Variants in SHKBP1 observed in about 807,000 individuals in gnomAD.
The protein encoded by SHKBP1 is SH3KBP1 binding protein 1.
Under a neutral mutation model 83.9 loss-of-function variants are expected in SHKBP1, and 71 were observed. The observed-to-expected ratio is 0.85, with a 90% CI of 0.70 to 1.03. The LOEUF (loss-of-function observed/expected upper bound fraction) is 1.03. SHKBP1 is among the 50% of genes least tolerant of loss of function. The pLI is 0.00. For synonymous variants in SHKBP1, 371 were observed against 398.0 expected (o/e 0.93, Z 0.81); for missense variants, 824 against 982.4 (o/e 0.84, Z 2.16).
chr19:40,580,904 C>T lies in SHKBP1; in HGVS notation c.812C>T (p.Ala271Val). 2 of 1,596,288 alleles carry T rather than the reference C, an allele frequency of 1.3e-6. No individual in the cohort carries two copies. Among genetic ancestry groups the T allele is most frequent in the Non-Finnish European group, 1.7e-6 (2 of 1,170,356 alleles). ...AATGSEILLW[A>V]LQAEGGGSEI... The stretch of plus-strand genomic sequence containing the variant: ...ACCGGCAGCGAGATCCTGCTATGGG[C>T]TCTGCAGGCGGAAGGCGGTGGCTCC... Residue 271 changes from alanine (A) to valine (V), a missense_variant, in exon 9 of 18, where the codon GCT (alanine) becomes GTT (valine). By Grantham distance (64) the Ala-to-Val change is moderately conservative. Coordinates refer to ENST00000291842, the MANE Select transcript of SHKBP1 (RefSeq NM_138392.4).
Position 40,577,284 on chromosome 19 carries a change from G to T in SHKBP1, c.140G>T (p.Ser47Ile). The change falls in exon 2 of 18, where the codon AGT becomes ATT. Residue 47 changes from serine (S) to isoleucine (I), a missense_variant and splice_region_variant. This residue lies in a region of SHKBP1 where 355 missense variants were observed against 386.4 expected (regional missense o/e 0.92). Coordinates refer to ENST00000291842, the MANE Select transcript of SHKBP1 (RefSeq NM_138392.4). ...LTWIPDSFFS[S>I]LLSGRISTLK... Reference sequence around the variant, plus strand: ...TGGATCCCAGACTCCTTCTTCTCCAGGTGATCGGGAGAGCGAGTTTGGGGC... The same window carrying T: ...TGGATCCCAGACTCCTTCTTCTCCATGTGATCGGGAGAGCGAGTTTGGGGC... 6.2e-7 allele frequency: 1 copy of T among 1,614,098 alleles called. No individual in the cohort carries two copies. Among genetic ancestry groups the T allele is most frequent in the Non-Finnish European group, 8.5e-7 (1 of 1,179,988 alleles).
chr19:40,587,012 T>G (rs2081318176), intron 13 of SHKBP1, 68 bp downstream of exon 13: 2 of 1,427,172 alleles, frequency 1.4e-6, no homozygotes, highest in African/African-American at 2.8e-5. Context: ...GACAGGAGGA[T>G]GAGAATTTCC....
At chr19:40,585,470 T>C (rs923215466) in intron 12 of SHKBP1, 2 of 151,986 alleles carry the variant, frequency 1.3e-5, no homozygotes, top group African/African-American at 4.8e-5. Context: ...ACACCTAACT[T>C]CATGACACAT....
At position 40,590,677 on chromosome 19, in the gene SHKBP1, C is replaced by G; in HGVS notation, c.1769-53C>G. The G allele has an allele frequency of 1.3e-6, 2 of 1,531,460 alleles. No individual in the cohort carries two copies. The highest frequency in any genetic ancestry group is 2.5e-5 in the South Asian group (2 of 80,660). 94.9% of individuals were successfully genotyped at this position (1,531,460 alleles called of 1,614,324 possible). A position where few individuals can be genotyped will look rare whatever the true frequency, so the allele number is the denominator to read the frequency against. On this transcript the variant is annotated intron_variant, in intron 16 of 17. Transcript: ENST00000291842. This position sits in a 1 kb window ranked among gnomAD's most constrained non-coding sequence, Gnocchi z 4.6. The stretch of plus-strand genomic sequence containing the variant: ...GCTTGCACTGCAATGCAACCCAGGC[C>G]CTTGCCCTATGACCCCTGTCTTGCC...
At chr19:40,588,873 G>A (rs958522793) in intron 14 of SHKBP1, 94 bp downstream of exon 14, 15 of 1,511,386 alleles carry the variant, frequency 9.9e-6, no homozygotes, top group East Asian at 2.4e-5. Flanking sequence ...ACCTGACCCA[G>A]GAGCCTGCAA....
chr19:40,588,941 C>T (rs996718648), intron 14 of SHKBP1, 141 bp from the exon 15 acceptor site: 4 of 1,261,188 alleles, frequency 3.2e-6, no homozygotes, highest in Non-Finnish European at 4.4e-6. Context: ...CACAACCCCC[C>T]AGCCCTCTCT....
In SHKBP1 at chr19:40,577,472, G is replaced by T. The variant is rs549665204; in HGVS notation, c.186+31G>T. 36 of 1,613,632 alleles carry T rather than the reference G, an allele frequency of 2.2e-5. No homozygotes were observed. The South Asian group carries it at 2.9e-4, about 13-fold the overall frequency. ...TCGGACAAGAACTGAAATGGGATGGGGGGGAGGGGTTGGTAGGAAGAGGGG... is the reference window on the plus strand; with the variant it reads ...TCGGACAAGAACTGAAATGGGATGGTGGGGAGGGGTTGGTAGGAAGAGGGG... On this transcript the variant is annotated intron_variant, in intron 3 of 17. Coordinates refer to ENST00000291842, the MANE Select transcript of SHKBP1 (RefSeq NM_138392.4).
chr19:40,588,102 C>A (rs912354147), intron 13 of SHKBP1, among the ~76,000 whole-genome samples: 10 of 152,152 alleles, frequency 6.6e-5, no homozygotes, highest in African/African-American at 2.4e-4. Context: ...GCCGAGGGAA[C>A]AGGCATTGCA....
rs759553641 is a variant in SHKBP1, at chr19:40,577,015, C to T, written c.86+30C>T. 1.9e-5 allele frequency: 27 copies of T among 1,454,896 alleles called. No homozygotes were observed. The East Asian group carries it at 6.4e-4, about 35-fold the overall frequency. The allele number at this position is 1,454,896 out of a possible 1,614,324, so 90.1% of individuals were successfully genotyped here. A position where few individuals can be genotyped will look rare whatever the true frequency, so the allele number is the denominator to read the frequency against. ...GTGTGGGAGACTCCTGAGGTCCCAT[C>T]CTCGGGGGCGGGAAGCGGGGTGGGA... is the stretch of plus-strand genomic sequence containing the variant. On this transcript the variant is annotated intron_variant, in intron 1 of 17. Coordinates refer to ENST00000291842, the MANE Select transcript of SHKBP1 (RefSeq NM_138392.4).
Position 40,577,240 on chromosome 19 carries a change from C to T in SHKBP1, c.96C>T (p.Thr32=), listed in dbSNP as rs141761549. 3.3e-5 allele frequency: 53 copies of T among 1,613,806 alleles called. No individual in the cohort carries two copies. The African/African-American group carries it at 5.1e-4, about 15-fold the overall frequency. ...TACCTTCCCCGCCCAGATTCAGTAC[C>T]TCTCGCCAGACTCTCACCTGGATCC... ...HLNVGGKRFS[T]SRQTLTWIPD... Residue 32 remains threonine, a synonymous_variant, in exon 2 of 18, where the codon ACC becomes ACT. Coordinates refer to ENST00000291842, the MANE Select transcript of SHKBP1 (RefSeq NM_138392.4).
In SHKBP1 at chr19:40,589,032, AG is replaced by A. The variant is rs747664574; in HGVS notation, c.1493-48del. The A allele has an allele frequency of 3.8e-6, 6 of 1,564,948 alleles. No homozygotes were observed. The East Asian group carries it at 1.3e-4, about 35-fold the overall frequency. On this transcript the variant is annotated intron_variant, in intron 14 of 17. Transcript: ENST00000291842. ...TTTCATCAGTGGGGAAGGAAGTCTGAGGCTGAGGGAATCCCAGCTGGCCCTG... is the reference window on the plus strand; with the variant it reads ...TTTCATCAGTGGGGAAGGAAGTCTGAGCTGAGGGAATCCCAGCTGGCCCTG...
Position 40,583,613 on chromosome 19 carries a change from T to C in SHKBP1, c.1061T>C (p.Phe354Ser). ...CTGCCCACCCCAGATGTGCAGAAGT[T>C]CCCCTTGCGCATGAAAGACAACGAC... Reference protein sequence around the residue: ...GSIYYVDVQKFPLRMKDNDLL... With the variant: ...GSIYYVDVQKSPLRMKDNDLL... Residue 354 changes from phenylalanine (F) to serine (S), a missense_variant, in exon 12 of 18, where the codon TTC becomes TCC. This residue lies in a region of SHKBP1 where 182 missense variants were observed against 273.1 expected (regional missense o/e 0.67). Transcript: ENST00000291842. 6.2e-7 allele frequency: 1 copy of C among 1,613,644 alleles called. No homozygotes were observed. Among genetic ancestry groups the C allele is most frequent in the Non-Finnish European group, 8.5e-7 (1 of 1,179,792 alleles).
In SHKBP1 at chr19:40,578,135, A is replaced by G. The variant is rs542719695; in HGVS notation, c.261-19A>G. On this transcript the variant is annotated intron_variant, in intron 4 of 17. Transcript: ENST00000291842. ...CCCCCACACCTAGACCCTGACCTCT[A>G]GTCAATTCTACTACCCAGGGGTGTC... 8 of 1,608,474 alleles carry G rather than the reference A, an allele frequency of 5.0e-6. No homozygotes were observed. The East Asian group carries it at 1.8e-4, about 36-fold the overall frequency.
intron 15 of SHKBP1, among the ~76,000 whole-genome samples, chr19:40,589,394 G>GCAGTGCCAGCC (rs1568394706): frequency 1.4e-5 from 2 of 146,876 alleles, no homozygotes; most frequent in Non-Finnish European, 3.0e-5. Context: ...CTGACCTGGC[G>GCAGTGCCAGCC]CAGTGCCAGC....
chr19:40,577,996 A>G (rs1051957249), intron 4 of SHKBP1, 158 bp from the exon 5 acceptor site: 1 of 668,224 alleles, frequency 1.5e-6, no homozygotes, highest in Admixed American at 2.1e-5. Context: ...CACACACTCA[A>G]CATTTCCTCC....
At chr19:40,578,579 G>A in intron 6 of SHKBP1, 37 bp downstream of exon 6, 2 of 1,588,932 alleles carry the variant, frequency 1.3e-6, no homozygotes, top group African/African-American at 1.3e-5. Context: ...GCGCGGAGGT[G>A]GGCCAAAGAC....
chr19:40,582,854 G>C (rs974082728), intron 10 of SHKBP1, among the ~76,000 whole-genome samples: 98 of 151,778 alleles, frequency 6.5e-4, no homozygotes, highest in African/African-American at 2.3e-3. Context: ...GACAGACAGA[G>C]GCAGAGAAAG....
chr19:40,590,286 C>T lies in SHKBP1; in HGVS notation c.1632C>T (p.Ala544=). The T allele has an allele frequency of 6.2e-7, 1 of 1,607,678 alleles. No individual in the cohort carries two copies. Among genetic ancestry groups the T allele is most frequent in the Non-Finnish European group, 8.5e-7 (1 of 1,177,696 alleles). The change falls in exon 16 of 18, where the codon GCC becomes GCT. Residue 544 remains alanine (A), a synonymous_variant. Transcript: ENST00000291842. This position sits in a 1 kb window ranked among gnomAD's most constrained non-coding sequence, Gnocchi z 4.6. ...CCGTGGACGGCTCACCCACGACAGCCTTCACAGTGCTGGAGTGCGAGGGCT... is the reference window on the plus strand; with the variant it reads ...CCGTGGACGGCTCACCCACGACAGCTTTCACAGTGCTGGAGTGCGAGGGCT... ...VRSVDGSPTT[A]FTVLECEGSR... is the part of the protein sequence containing the mutation.
At chr19:40,589,228 G>A (rs2081337179) in intron 15 of SHKBP1, 50 bp downstream of exon 15, 1 of 938,818 alleles carries the variant, frequency 1.1e-6, no homozygotes, top group South Asian at 2.4e-5. Flanking sequence ...TGTCCAACAG[G>A]GAGGGAGGTC....
Sources: allele counts gnomAD v4.1 joint callset (sites outside exome capture counted in the v4.1 genomes callset), GRCh38; gene constraint gnomAD v4.1.1; regional missense constraint gnomAD v4.1.1; non-coding constraint Gnocchi (gnomAD v3.1); transcripts MANE v1.5; gene names NCBI Gene and HGNC (gene_info 2026-07-23, HGNC 2026-07-21).